The following STPG2 variants were observed in gnomAD, a reference collection of about 807,000 sequenced individuals.
STPG2 encodes sperm tail PG-rich repeat containing 2.
In STPG2, 56 loss-of-function variants were observed where a neutral mutation model predicts 54.2. That is an observed-to-expected ratio of 1.03 (90% confidence interval 0.83 to 1.29). The LOEUF is 1.29. Among genes scored for constraint, STPG2 ranks in the 50% most tolerant of loss-of-function variants. The pLI, the probability that STPG2 is intolerant of heterozygous loss-of-function variation, is 0.00. For synonymous variants in STPG2, 200 were observed against 181.8 expected, an observed-to-expected ratio of 1.10 and a Z score of -0.81; for missense variants, 596 against 544.9, an observed-to-expected ratio of 1.09 and a Z score of -0.93.
intron 8 of STPG2, among the ~76,000 whole-genome samples, chr4:97,849,044 T>C (rs571037977): frequency 1.3e-5 from 2 of 151,386 alleles, no homozygotes; most frequent in South Asian, 2.1e-4. Flanking sequence ...AAGAAAGTCA[T>C]TGGTAGCTTG....
intron 9 of STPG2, among the ~76,000 whole-genome samples, chr4:97,760,986 T>C (rs1442734338): frequency 1.3e-5 from 2 of 152,136 alleles, no homozygotes; most frequent in Admixed American, 1.3e-4. Flanking sequence ...TGAGTCTTTC[T>C]CACAATGCAT....
chr4:97,453,448 G>A (rs1352490931), intron 4 of STPG2, among the ~76,000 whole-genome samples: 2 of 152,212 alleles, frequency 1.3e-5, no homozygotes, highest in African/African-American at 4.8e-5. Flanking sequence ...TGAGTGGGCA[G>A]AACCAGCCCA....
chr4:97,653,388 G>GA (rs72319515), intron 10 of STPG2, among the ~76,000 whole-genome samples: 2,179 of 141,372 alleles, frequency 0.015, 40 homozygotes, highest in African/African-American at 0.051. Flanking sequence ...CAATATGGAA[G>GA]AAAAAAAAAA....
intron 9 of STPG2, among the ~76,000 whole-genome samples, chr4:97,808,405 C>T (rs1480226141): frequency 6.6e-6 from 1 of 151,864 alleles, no homozygotes; most frequent in African/African-American, 2.4e-5. Context: ...TAATACCTGA[C>T]TTTGATAAGT....
intron 8 of STPG2, among the ~76,000 whole-genome samples, chr4:97,845,802 C>A (rs927627371): frequency 2.6e-5 from 4 of 151,986 alleles, no homozygotes; most frequent in Admixed American, 6.6e-5. Flanking sequence ...TGCTAAATTC[C>A]AAAAAGTAGA....
At chr4:97,920,511 G>C (rs1732058949) in intron 8 of STPG2, among the ~76,000 whole-genome samples, 1 of 152,186 alleles carries the variant, frequency 6.6e-6, no homozygotes, top group Non-Finnish European at 1.5e-5. Context: ...ATGTTACGTA[G>C]TGAGGGCAGG....
At chr4:97,919,555 C>T (rs747104614) in intron 8 of STPG2, among the ~76,000 whole-genome samples, 1 of 151,614 alleles carries the variant, frequency 6.6e-6, no homozygotes, top group Admixed American at 6.6e-5. Context: ...TAACTTTAAG[C>T]AAATATATTT....
At chr4:97,580,285 C>A (rs185953817) in intron 10 of STPG2, among the ~76,000 whole-genome samples, 7 of 151,900 alleles carry the variant, frequency 4.6e-5, no homozygotes, top group Admixed American at 1.3e-4. Flanking sequence ...AGGTGACATA[C>A]ACATATAATT....
intron 10 of STPG2, among the ~76,000 whole-genome samples, chr4:97,635,906 C>T (rs1313567516): frequency 6.6e-6 from 1 of 151,984 alleles, no homozygotes; most frequent in African/African-American, 2.4e-5. Flanking sequence ...ACTTTAACAC[C>T]CCACTGTCAA....
intron 8 of STPG2, among the ~76,000 whole-genome samples, chr4:97,896,334 C>T (rs879300377): frequency 2.0e-5 from 3 of 151,638 alleles, no homozygotes; most frequent in African/African-American, 7.3e-5. Flanking sequence ...CTATTACATA[C>T]AAACTGAAGC....
chr4:97,782,709 A>G (rs1410095622), intron 9 of STPG2, among the ~76,000 whole-genome samples: 4 of 152,188 alleles, frequency 2.6e-5, no homozygotes, highest in Middle Eastern at 3.2e-3. Flanking sequence ...CCAAAACCAC[A>G]TGGTACTGGT....
At chr4:97,983,237 AT>A (rs1185845641) in intron 5 of STPG2, among the ~76,000 whole-genome samples, 2 of 152,074 alleles carry the variant, frequency 1.3e-5, no homozygotes, top group Non-Finnish European at 2.9e-5. Context: ...CTTCCTTGTG[AT>A]TTTTTAATAA....
At chr4:98,024,051 T>C (rs998150932) in intron 5 of STPG2, among the ~76,000 whole-genome samples, 4 of 152,146 alleles carry the variant, frequency 2.6e-5, no homozygotes, top group East Asian at 1.9e-4. Flanking sequence ...CTGCACCCAC[T>C]GTCTGGCACT....
intron 10 of STPG2, 133 bp from the exon 11 acceptor site, chr4:97,559,250 A>AGTAGATTATATCATT: frequency 1.7e-6 from 1 of 597,030 alleles, no homozygotes; most frequent in Non-Finnish European, 2.9e-6. Context: ...AAATGATATA[A>AGTAGATTATATCATT]TCTACTTACA....
intron 5 of STPG2, among the ~76,000 whole-genome samples, chr4:98,045,622 TG>T (rs1387128785): frequency 6.6e-6 from 1 of 152,192 alleles, no homozygotes; most frequent in Non-Finnish European, 1.5e-5. Context: ...ATATAGTATT[TG>T]GGGGTGACCA....
chr4:97,942,737 AT>A (rs745317786), intron 8 of STPG2, among the ~76,000 whole-genome samples: 1 of 152,154 alleles, frequency 6.6e-6, no homozygotes, highest in Non-Finnish European at 1.5e-5. Flanking sequence ...ACAATCAAAA[AT>A]ATTACAAATC....
intron 10 of STPG2, among the ~76,000 whole-genome samples, chr4:97,614,658 T>G (rs1477890487): frequency 1.3e-5 from 2 of 152,146 alleles, no homozygotes; most frequent in South Asian, 4.1e-4. Flanking sequence ...GTCATCACTT[T>G]GTGCTTTACC....
In STPG2 at chr4:97,689,976, A is replaced by G. The variant is rs73834155; in HGVS notation, c.1320+22723T>C. Reference sequence around the variant, plus strand: ...TTTTTCTTTTGTATTATAATTGGAAATAATTTCTCTAAACTCCTCATTAAT... The same window carrying G: ...TTTTTCTTTTGTATTATAATTGGAAGTAATTTCTCTAAACTCCTCATTAAT... On this transcript the variant is annotated intron_variant, in intron 10 of 10. Coordinates refer to ENST00000295268, the MANE Select transcript of STPG2 (RefSeq NM_174952.3). Among the ~76,000 whole-genome samples the G allele has an allele frequency of 6.2e-3, 947 of 152,236 alleles. 9 individuals carry two copies. Among genetic ancestry groups the G allele is most frequent in the African/African-American group, 0.021 (886 of 41,572 alleles).
chr4:98,033,425 G>C (rs1736665563), intron 5 of STPG2, among the ~76,000 whole-genome samples: 1 of 151,840 alleles, frequency 6.6e-6, no homozygotes, highest in African/African-American at 2.4e-5. Flanking sequence ...TCCCTAAGTA[G>C]ACCAATAACA....
Sources: allele counts gnomAD v4.1 joint callset (sites outside exome capture counted in the v4.1 genomes callset), GRCh38; gene constraint gnomAD v4.1.1; transcripts MANE v1.5; gene names NCBI Gene and HGNC (gene_info 2026-07-23, HGNC 2026-07-21).